The following CALHM1 variants were observed in gnomAD, a reference collection of about 807,000 sequenced individuals.
The protein encoded by CALHM1 is calcium homeostasis modulator protein 1.
In CALHM1, 11 loss-of-function variants were observed where a neutral mutation model predicts 14.8. The ratio of observed to expected loss-of-function variants is 0.74; its 90% CI spans 0.47 to 1.23. The LOEUF (loss-of-function observed/expected upper bound fraction) is 1.23. Ranked by LOEUF, CALHM1 falls within the 50% of genes most tolerant of loss-of-function variation. The pLI, the probability that CALHM1 is intolerant of heterozygous loss-of-function variation, is 0.00. For synonymous variants in CALHM1, 215 were observed against 218.9 expected, an observed-to-expected ratio of 0.98 and a Z score of 0.16; for missense variants, 458 against 496.4, an observed-to-expected ratio of 0.92 and a Z score of 0.74.
intron 1 of CALHM1, among the ~76,000 whole-genome samples, chr10:103,457,669 C>G (rs2133824270): frequency 6.6e-6 from 1 of 152,292 alleles, no homozygotes; most frequent in South Asian, 2.1e-4. Flanking sequence ...CTCACTCTGG[C>G]TGACCCGTCA....
rs368732643 is a variant in CALHM1, at chr10:103,455,624, C to T, written c.679G>A (p.Glu227Lys). The change falls in exon 2 of 2, where the codon GAG becomes AAG. Residue 227 changes from glutamate (E) to lysine (K), a missense_variant. Coordinates refer to ENST00000329905, the MANE Select transcript of CALHM1 (RefSeq NM_001001412.4). The part of the protein sequence containing the change: ...SKYWSHYIDI[E>K]RKLFDETCTE... The stretch of plus-strand genomic sequence containing the variant: ...CACGTCTCGTCGAAGAGCTTGCGCT[C>T]GATGTCGATATAGTGGGACCAGTAC... 1.2e-5 allele frequency: 20 copies of T among 1,613,736 alleles called. No individual in the cohort carries two copies. Among genetic ancestry groups the T allele is most frequent in the South Asian group, 2.2e-5 (2 of 91,078 alleles).
chr10:103,455,663 A>C lies in CALHM1; in HGVS notation c.640T>G (p.Phe214Val), dbSNP rs1183495776. 6.2e-7 allele frequency: 1 copy of C among 1,613,594 alleles called. No homozygotes were observed. The highest frequency in any genetic ancestry group is 8.5e-7 in the Non-Finnish European group (1 of 1,180,052). Residue 214 changes from phenylalanine (F) to valine (V), a missense_variant, in exon 2 of 2, where the codon TTC becomes GTC. Phe to Val is a conservative substitution (Grantham distance 50, BLOSUM62 -1). Transcript: ENST00000329905. ...TGGGACCAGTACTTGCTCTTGAGGA[A>C]GGCGGCCTGCGTGAAGCAGGGCCGC... ...SVRPCFTQAAFLKSKYWSHYI... is the reference protein window; with the variant it reads ...SVRPCFTQAAVLKSKYWSHYI...
Position 103,458,122 on chromosome 10 carries a change from G to A in CALHM1, c.555+75C>T, listed in dbSNP as rs1261470613. 2 of 1,532,750 alleles carry A rather than the reference G, an allele frequency of 1.3e-6. No homozygotes were observed. Among genetic ancestry groups the A allele is most frequent in the East Asian group, 4.5e-5 (2 of 44,430 alleles). 94.9% of individuals were successfully genotyped at this position (1,532,750 alleles called of 1,614,324 possible). A position where few individuals can be genotyped will look rare whatever the true frequency, so the allele number is the denominator to read the frequency against. On this transcript the variant is annotated intron_variant, in intron 1 of 1. Transcript: ENST00000329905. The surrounding 1 kb of genome is among the most constrained non-coding windows in gnomAD (Gnocchi z 4.9). ...CTGAGCAGAGGCCCCATTTTGAGAG[G>A]TAGGGGGATAGGGCCCTCCCAGAGG...
intron 1 of CALHM1, among the ~76,000 whole-genome samples, chr10:103,456,517 C>T (rs948986245): frequency 1.3e-5 from 2 of 152,254 alleles, no homozygotes; most frequent in African/African-American, 4.8e-5. Context: ...GGGCAGGATG[C>T]TCCCCTGGCC....
rs1554884202 is a variant in CALHM1 at position 103,453,423 on chromosome 10, C to CTTCTTA, written c.*1838_*1839insTAAGAA. On this transcript the variant is annotated 3_prime_UTR_variant, in exon 2 of 2. Coordinates refer to ENST00000329905, the MANE Select transcript of CALHM1 (RefSeq NM_001001412.4). Reference sequence around the variant, plus strand: ...TCTTCTCTTTATTCTTCTTCTTCTTCTTATTATTATTATTACTTTACAGAG... The same window carrying CTTCTTA: ...TCTTCTCTTTATTCTTCTTCTTCTTCTTCTTATTATTATTATTATTACTTTACAGAG... The CTTCTTA allele has an allele frequency of 7.9e-4, 118 of 148,902 alleles. No individual in the cohort carries two copies. Among genetic ancestry groups the CTTCTTA allele is most frequent in the African/African-American group, 2.2e-3 (90 of 40,770 alleles). 9.2% of individuals were successfully genotyped at this position (148,902 alleles called of 1,614,324 possible). A position where few individuals can be genotyped will look rare whatever the true frequency, so the allele number is the denominator to read the frequency against.
Position 103,458,512 on chromosome 10 carries a change from T to G in CALHM1, c.240A>C (p.Glu80Asp). 6.2e-7 allele frequency: 1 copy of G among 1,613,546 alleles called. No homozygotes were observed. The highest frequency in any genetic ancestry group is 8.5e-7 in the Non-Finnish European group (1 of 1,180,014). The change falls in exon 1 of 2, where the codon GAA becomes GAC. Residue 80 changes from glutamate (E) to aspartate (D), a missense_variant. Glu to Asp is a conservative substitution (Grantham distance 45). Transcript: ENST00000329905. This position sits in a 1 kb window ranked among gnomAD's most constrained non-coding sequence, Gnocchi z 4.9. Reference protein sequence around the residue: ...VMNNNVSMLAEEWKRPLGRRA... With the variant: ...VMNNNVSMLADEWKRPLGRRA... ...GGCGGCCCAGCGGCCGCTTCCACTC[T>G]TCGGCCAGCATGGACACGTTGTTGT...
Position 103,458,377 on chromosome 10 carries a change from G to T in CALHM1, c.375C>A (p.Phe125Leu), listed in dbSNP as rs776474946. Residue 125 changes from phenylalanine to leucine, a missense_variant, in exon 1 of 2, where the codon TTC becomes TTA. By Grantham distance (22) the Phe-to-Leu change is conservative. Transcript: ENST00000329905. The surrounding 1 kb of genome is among the most constrained non-coding windows in gnomAD (Gnocchi z 4.9). ...GCACGGCAGTGCAGAAGGCACAGAG[G>T]AAGCATTTGCCGTCGAGTAGCGTGA... ...VAVTLLDGKC[F>L]LCAFCTAVPV... is the part of the protein sequence containing the mutation. 1 of 1,609,786 alleles carries T rather than the reference G, an allele frequency of 6.2e-7. No homozygotes were observed. Among genetic ancestry groups the T allele is most frequent in the Non-Finnish European group, 8.5e-7 (1 of 1,177,702 alleles).
chr10:103,455,716 G>A lies in CALHM1; in HGVS notation c.587C>T (p.Thr196Ile). Reference protein sequence around the residue: ...ALGWSFVLLTTLLAFVVRSVR... With the variant: ...ALGWSFVLLTILLAFVVRSVR... The stretch of plus-strand genomic sequence containing the variant: ...AGAGCGCACCACGAATGCCAGCAGA[G>A]TGGTCAGCAGCACGAAGGACCAGCC... Residue 196 changes from threonine to isoleucine, a missense_variant, in exon 2 of 2, where the codon ACT (threonine) becomes ATT (isoleucine). Coordinates refer to ENST00000329905, the MANE Select transcript of CALHM1 (RefSeq NM_001001412.4). 6.2e-7 allele frequency: 1 copy of A among 1,612,964 alleles called. No individual in the cohort carries two copies. The highest frequency in any genetic ancestry group is 1.3e-5 in the African/African-American group (1 of 75,032).
At position 103,455,115 on chromosome 10, in the gene CALHM1, T is replaced by G. The variant is rs895061168; in HGVS notation, c.*147A>C. The G allele has an allele frequency of 8.1e-7, 1 of 1,235,798 alleles. No individual in the cohort carries two copies. Among genetic ancestry groups the G allele is most frequent in the African/African-American group, 1.5e-5 (1 of 65,800 alleles). 76.6% of individuals were successfully genotyped at this position (1,235,798 alleles called of 1,614,324 possible). ...CCCTTCCAGCTCCAAATTTCCTGCC[T>G]CCAATGGGCAGGCGAGTGCTAGGGA... On this transcript the variant is annotated 3_prime_UTR_variant, in exon 2 of 2. Transcript: ENST00000329905.
chr10:103,454,787 A>G lies in CALHM1; in HGVS notation c.*475T>C, dbSNP rs1223690352. ...CCCGGCACACCCAGTCTCACCTACG[A>G]CACGCTTGCCCAAATCAGAGGGCTC... On this transcript the variant is annotated 3_prime_UTR_variant, in exon 2 of 2. Transcript: ENST00000329905. The G allele has an allele frequency of 6.0e-6, 1 of 165,316 alleles. No homozygotes were observed. Among genetic ancestry groups the G allele is most frequent in the East Asian group, 1.8e-4 (1 of 5,604 alleles). The allele number at this position is 165,316 out of a possible 1,614,324, so 10.2% of individuals were successfully genotyped here. A position where few individuals can be genotyped will look rare whatever the true frequency, so the allele number is the denominator to read the frequency against.
At chr10:103,456,703 A>T (rs1325115248) in intron 1 of CALHM1, among the ~76,000 whole-genome samples, 1 of 152,240 alleles carries the variant, frequency 6.6e-6, no homozygotes, top group East Asian at 1.9e-4. Context: ...CCAGGAGTAC[A>T]CGCGGGCCTG....
chr10:103,458,623 G>A lies in CALHM1; in HGVS notation c.129C>T (p.Pro43=). The change falls in exon 1 of 2, where the codon CCC becomes CCT. Residue 43 remains proline, a synonymous_variant. Coordinates refer to ENST00000329905, the MANE Select transcript of CALHM1 (RefSeq NM_001001412.4). The surrounding 1 kb of genome is among the most constrained non-coding windows in gnomAD (Gnocchi z 4.9). ...QMYSAFDFNC[P]CLPGYNAAYS... Reference sequence around the variant, plus strand: ...AGGCTGCATTGTAGCCCGGCAGGCAGGGGCAGTTGAAGTCGAAGGCCGAGT... The same window carrying A: ...AGGCTGCATTGTAGCCCGGCAGGCAAGGGCAGTTGAAGTCGAAGGCCGAGT... 6.2e-7 allele frequency: 1 copy of A among 1,613,882 alleles called. No homozygotes were observed. Among genetic ancestry groups the A allele is most frequent in the Non-Finnish European group, 8.5e-7 (1 of 1,179,956 alleles).
In CALHM1 at chr10:103,455,151, G is replaced by A. The variant is rs945717482; in HGVS notation, c.*111C>T. 6 of 1,406,516 alleles carry A rather than the reference G, an allele frequency of 4.3e-6. No individual in the cohort carries two copies. In the Admixed American group the frequency reaches 1.4e-4, roughly 32 times the overall value. 87.1% of individuals were successfully genotyped at this position (1,406,516 alleles called of 1,614,324 possible). A position where few individuals can be genotyped will look rare whatever the true frequency, so the allele number is the denominator to read the frequency against. On this transcript the variant is annotated 3_prime_UTR_variant, in exon 2 of 2. Coordinates refer to ENST00000329905, the MANE Select transcript of CALHM1 (RefSeq NM_001001412.4). ...GGCGAGTGCTAGGGAGTGTGGATCT[G>A]CCTAGGGGAGTACTGCCCAGCACTG...
chr10:103,456,077 G>A (rs2033147206), intron 1 of CALHM1, among the ~76,000 whole-genome samples: 1 of 152,188 alleles, frequency 6.6e-6, no homozygotes, highest in South Asian at 2.1e-4. Flanking sequence ...AGTTGACCAG[G>A]AGCAAAGCAC....
chr10:103,457,088 C>T (rs1038705238), intron 1 of CALHM1, among the ~76,000 whole-genome samples: 2 of 152,236 alleles, frequency 1.3e-5, no homozygotes, highest in Non-Finnish European at 2.9e-5. Flanking sequence ...TGAGGCACAT[C>T]GTACCCGGCC....
Position 103,454,967 on chromosome 10 carries a change from C to T in CALHM1, c.*295G>A. On this transcript the variant is annotated 3_prime_UTR_variant, in exon 2 of 2. Transcript: ENST00000329905. ...GAACATCAGCCTGGGAAGGGCTGGG[C>T]AGAGGGGAGCCATTGGTCCCTGTAC... 2.2e-6 allele frequency: 1 copy of T among 445,476 alleles called. No homozygotes were observed. The highest frequency in any genetic ancestry group is 4.0e-6 in the Non-Finnish European group (1 of 252,092). 27.6% of individuals were successfully genotyped at this position (445,476 alleles called of 1,614,324 possible). A position where few individuals can be genotyped will look rare whatever the true frequency, so the allele number is the denominator to read the frequency against.
chr10:103,458,850 G>C lies in CALHM1; in HGVS notation c.-99C>G. 1 of 1,244,848 alleles carries C rather than the reference G, an allele frequency of 8.0e-7. No homozygotes were observed. Among genetic ancestry groups the C allele is most frequent in the South Asian group, 1.5e-5 (1 of 66,110 alleles). The allele number at this position is 1,244,848 out of a possible 1,614,324, so 77.1% of individuals were successfully genotyped here. On this transcript the variant is annotated 5_prime_UTR_variant, in exon 1 of 2. Transcript: ENST00000329905. The surrounding 1 kb of genome is among the most constrained non-coding windows in gnomAD (Gnocchi z 4.9). ...CCACTGGGTGCCCACCTCATGACTCGGGCTCTCCTGGCTGGGACCAACAGA... is the reference window on the plus strand; with the variant it reads ...CCACTGGGTGCCCACCTCATGACTCCGGCTCTCCTGGCTGGGACCAACAGA...
Position 103,458,818 on chromosome 10 carries a change from A to G in CALHM1, c.-67T>C. Reference sequence around the variant, plus strand: ...GCCTCCAAGAGGGCCCCTGCTGCCCACCCTGCCCACTGGGTGCCCACCTCA... The same window carrying G: ...GCCTCCAAGAGGGCCCCTGCTGCCCGCCCTGCCCACTGGGTGCCCACCTCA... On this transcript the variant is annotated 5_prime_UTR_variant, in exon 1 of 2. Coordinates refer to ENST00000329905, the MANE Select transcript of CALHM1 (RefSeq NM_001001412.4). The surrounding 1 kb of genome is among the most constrained non-coding windows in gnomAD (Gnocchi z 4.9). 6.7e-7 allele frequency: 1 copy of G among 1,490,324 alleles called. No individual in the cohort carries two copies. The highest frequency in any genetic ancestry group is 1.3e-5 in the South Asian group (1 of 75,624). The allele number at this position is 1,490,324 out of a possible 1,614,324, so 92.3% of individuals were successfully genotyped here.
intron 1 of CALHM1, among the ~76,000 whole-genome samples, chr10:103,456,674 G>A (rs1269669171): frequency 6.6e-6 from 1 of 152,352 alleles, no homozygotes; most frequent in African/African-American, 2.4e-5. Flanking sequence ...TGCATAGGCT[G>A]GGGGCACCCC....
Sources: allele counts gnomAD v4.1 joint callset (sites outside exome capture counted in the v4.1 genomes callset), GRCh38; gene constraint gnomAD v4.1.1; non-coding constraint Gnocchi (gnomAD v3.1); transcripts MANE v1.5; gene names NCBI Gene and HGNC (gene_info 2026-07-23, HGNC 2026-07-21).